The following FIRRM variants were observed in gnomAD, a reference collection of about 807,000 sequenced individuals.
FIRRM encodes the protein FIGNL1 interacting regulator of recombination and mitosis.
the FIRRM span, among the ~76,000 whole-genome samples, chr1:169,785,903 GT>G: frequency 6.6e-6 from 1 of 151,992 alleles, no homozygotes; most frequent in East Asian, 1.9e-4. Flanking sequence ...TTACATTCAG[GT>G]TTTTATATTT....
the FIRRM span, among the ~76,000 whole-genome samples, chr1:169,835,280 T>C: frequency 6.6e-6 from 1 of 152,228 alleles, no homozygotes; most frequent in Non-Finnish European, 1.5e-5. Flanking sequence ...TGGAAGAAAA[T>C]GCTAATAGAA....
At chr1:169,834,939 A>C in the FIRRM span, among the ~76,000 whole-genome samples, 35 of 152,194 alleles carry the variant, frequency 2.3e-4, no homozygotes, top group Non-Finnish European at 3.7e-4. Flanking sequence ...TGTAGCTGAG[A>C]CAGTCATTTC....
At chr1:169,821,512 CTAA>C in the FIRRM span, among the ~76,000 whole-genome samples, 1 of 151,910 alleles carries the variant, frequency 6.6e-6, no homozygotes, top group African/African-American at 2.4e-5. Flanking sequence ...TGTATCGCAC[CTAA>C]TAATTCAAAG....
At chr1:169,851,391 G>A in the FIRRM span, 1 of 154,636 alleles carries the variant, frequency 6.5e-6, no homozygotes, top group Non-Finnish European at 1.4e-5. Flanking sequence ...CGCCCAGATT[G>A]GAGTGTGGTG....
chr1:169,841,500 T>C, the FIRRM span, among the ~76,000 whole-genome samples: 1 of 152,240 alleles, frequency 6.6e-6, no homozygotes, highest in African/African-American at 2.4e-5. Context: ...TACTGTTTAT[T>C]ACATTCTCAT....
chr1:169,830,947 C>T, the FIRRM span, among the ~76,000 whole-genome samples: 1 of 152,112 alleles, frequency 6.6e-6, no homozygotes, highest in African/African-American at 2.4e-5. Flanking sequence ...GGAATGTTTT[C>T]TCATATTCTC....
the FIRRM span, chr1:169,800,878 T>C: frequency 1.4e-6 from 2 of 1,475,060 alleles, no homozygotes; most frequent in South Asian, 1.2e-5. Context: ...TTATTTGCTT[T>C]ACAGAAATTT....
the FIRRM span, chr1:169,827,060 T>G: frequency 1.2e-6 from 2 of 1,612,240 alleles, no homozygotes; most frequent in Admixed American, 1.7e-5. Flanking sequence ...GCAAGTTTCC[T>G]CCAAGCCTTT....
At chr1:169,802,739 A>G in the FIRRM span, 5 of 1,510,464 alleles carry the variant, frequency 3.3e-6, no homozygotes, top group Non-Finnish European at 4.6e-6. Context: ...AGTCAAATGT[A>G]TTAGAAAGCA....
the FIRRM span, chr1:169,830,383 G>A: frequency 6.8e-7 from 1 of 1,472,624 alleles, no homozygotes; most frequent in Non-Finnish European, 9.4e-7. Context: ...TTGGTTATTA[G>A]TAGTGACTGA....
chr1:169,832,331 A>G, the FIRRM span: 1 of 837,526 alleles, frequency 1.2e-6, no homozygotes, highest in Admixed American at 1.8e-5. Context: ...AAGAGCTGCT[A>G]TTAATATTTT....
At chr1:169,793,655 T>G in the FIRRM span, 1 of 1,612,378 alleles carries the variant, frequency 6.2e-7, no homozygotes, top group Non-Finnish European at 8.5e-7. Context: ...TAATTCATTT[T>G]CCAGATGGTC....
chr1:169,795,107 C>T, the FIRRM span: 2 of 1,535,780 alleles, frequency 1.3e-6, no homozygotes, highest in South Asian at 1.2e-5. Context: ...GAAAGTATGT[C>T]TCAGGAAGGT....
the FIRRM span, among the ~76,000 whole-genome samples, chr1:169,809,234 C>T: frequency 6.6e-6 from 1 of 152,116 alleles, no homozygotes; most frequent in South Asian, 2.1e-4. Flanking sequence ...ATCTCACCTG[C>T]CCCTCCCCTT....
chr1:169,811,107 G>T, the FIRRM span, among the ~76,000 whole-genome samples: 1 of 151,648 alleles, frequency 6.6e-6, no homozygotes, highest in Admixed American at 6.6e-5. Flanking sequence ...TGATCCACCC[G>T]CCTCGGCCTC....
the FIRRM span, among the ~76,000 whole-genome samples, chr1:169,800,307 A>T: frequency 1.3e-5 from 2 of 152,130 alleles, no homozygotes; most frequent in East Asian, 3.9e-4. Flanking sequence ...AGCCACCCAA[A>T]GTGTTGGGAT....
chr1:169,846,043 G>A, the FIRRM span, among the ~76,000 whole-genome samples: 1 of 152,222 alleles, frequency 6.6e-6, no homozygotes, highest in Admixed American at 6.5e-5. Context: ...TTCCTTGATT[G>A]ATGGGCTGCA....
At chr1:169,803,369 TA>T in the FIRRM span, 1 of 1,439,016 alleles carries the variant, frequency 6.9e-7, no homozygotes. Flanking sequence ...AGGGGCTGAG[TA>T]AAATAATGTT....
chr1:169,816,542 A>G, the FIRRM span, among the ~76,000 whole-genome samples: 1 of 152,214 alleles, frequency 6.6e-6, no homozygotes, highest in Non-Finnish European at 1.5e-5. Context: ...AAGTACAGCA[A>G]GAATAATTAT....
Sources: gnomAD v4.1 joint callset for allele counts (sites outside exome capture counted in the v4.1 genomes callset) on GRCh38, gnomAD v4.1.1 for gene constraint, MANE v1.5 for transcripts, NCBI Gene and HGNC (gene_info 2026-07-23, HGNC 2026-07-21) for gene names.